GRM5: variants seen among roughly 807,000 people sequenced by gnomAD.
GRM5 encodes the protein metabotropic glutamate receptor 5.
GRM5 carries 19 observed loss-of-function variants against 83.1 expected under a neutral mutation model. The ratio of observed to expected loss-of-function variants is 0.23; its 90% CI spans 0.16 to 0.34. The LOEUF (loss-of-function observed/expected upper bound fraction) is 0.34. GRM5 is among the 10% of genes least tolerant of loss of function. GRM5 has a pLI of 1.00. For missense variants in GRM5, 1,160 were observed against 1,588.3 expected, an observed-to-expected ratio of 0.73 and a Z score of 4.58; for synonymous variants, 675 against 633.6, an observed-to-expected ratio of 1.07 and a Z score of -0.98.
chr11:88,798,163 T>C (rs1212732672), intron 3 of GRM5, among the ~76,000 whole-genome samples: 1 of 152,180 alleles, frequency 6.6e-6, no homozygotes, highest in Non-Finnish European at 1.5e-5. Flanking sequence ...TGAGACTACA[T>C]GTTCTCTTTT....
intron 2 of GRM5, among the ~76,000 whole-genome samples, chr11:88,914,196 C>T (rs2135616375): frequency 6.6e-6 from 1 of 152,266 alleles, no homozygotes; most frequent in African/African-American, 2.4e-5. Context: ...CTAGGGTCTC[C>T]TTCCACACTT....
intron 7 of GRM5, among the ~76,000 whole-genome samples, chr11:88,587,828 C>T (rs1322347199): frequency 1.3e-5 from 2 of 152,160 alleles, no homozygotes; most frequent in African/African-American, 4.8e-5. Context: ...AATCATACTC[C>T]TCAATGACTT....
At chr11:88,732,847 A>T (rs1472521032) in intron 3 of GRM5, among the ~76,000 whole-genome samples, 1 of 151,872 alleles carries the variant, frequency 6.6e-6, no homozygotes. Flanking sequence ...TGCCCTAGAG[A>T]CTGTGGATGT....
intron 3 of GRM5, among the ~76,000 whole-genome samples, chr11:88,683,118 C>T (rs1940535697): frequency 6.6e-6 from 1 of 152,108 alleles, no homozygotes. Context: ...TTTTTCCAGG[C>T]ACTTTTCCTT....
At chr11:88,987,704 T>C (rs1447174986) in intron 2 of GRM5, among the ~76,000 whole-genome samples, 4 of 152,086 alleles carry the variant, frequency 2.6e-5, no homozygotes, top group Non-Finnish European at 4.4e-5. Flanking sequence ...CCCTGACCCC[T>C]GACCCCCGAG....
intron 2 of GRM5, among the ~76,000 whole-genome samples, chr11:88,999,496 A>G (rs928605013): frequency 2.0e-5 from 3 of 152,328 alleles, no homozygotes; most frequent in East Asian, 3.9e-4. Flanking sequence ...ATTTCTCATC[A>G]TCACTGGCCA....
intron 3 of GRM5, among the ~76,000 whole-genome samples, chr11:88,835,420 C>T (rs1421432377): frequency 2.0e-5 from 3 of 152,178 alleles, no homozygotes; most frequent in Non-Finnish European, 4.4e-5. Context: ...TAAATTAACC[C>T]ATTGGTTATG....
intron 3 of GRM5, among the ~76,000 whole-genome samples, chr11:88,814,308 T>C (rs1432814723): frequency 2.0e-5 from 3 of 152,160 alleles, no homozygotes; most frequent in Admixed American, 2.0e-4. Context: ...ATCTACAAGA[T>C]AGAGGACTAG....
intron 2 of GRM5, among the ~76,000 whole-genome samples, chr11:88,953,731 T>C (rs1424865237): frequency 2.8e-5 from 2 of 72,670 alleles, no homozygotes; most frequent in Non-Finnish European, 7.0e-5. Flanking sequence ...TGCTGAATCA[T>C]GTAATTTATG....
intron 3 of GRM5, among the ~76,000 whole-genome samples, chr11:88,797,253 G>C (rs151238601): frequency 0.013 from 1,907 of 152,148 alleles, 39 homozygotes; most frequent in African/African-American, 0.043. Context: ...GGGTTCAAGA[G>C]ATTCTCCTGA....
At chr11:89,009,657 G>T (rs1180781802) in intron 2 of GRM5, among the ~76,000 whole-genome samples, 1 of 151,958 alleles carries the variant, frequency 6.6e-6, no homozygotes, top group African/African-American at 2.4e-5. Context: ...AGCACTTTGG[G>T]AGGCCGAGGC....
At chr11:88,815,481 A>G (rs1454003719) in intron 3 of GRM5, among the ~76,000 whole-genome samples, 2 of 152,230 alleles carry the variant, frequency 1.3e-5, no homozygotes, top group Non-Finnish European at 2.9e-5. Context: ...TTGTGTTGCT[A>G]TAACAGAATA....
At chr11:88,667,281 T>G (rs115431149) in intron 3 of GRM5, among the ~76,000 whole-genome samples, 1,536 of 152,170 alleles carry the variant, frequency 0.01, 16 homozygotes, top group East Asian at 0.068. Flanking sequence ...GATAATTAGT[T>G]TTCCAGGGGG....
At chr11:88,986,596 AT>A (rs1939719500) in intron 2 of GRM5, among the ~76,000 whole-genome samples, 1 of 150,080 alleles carries the variant, frequency 6.7e-6, no homozygotes, top group Admixed American at 6.6e-5. Context: ...CATTTTTGGT[AT>A]TAAACCCTTC....
chr11:88,751,091 A>AC, intron 3 of GRM5, among the ~76,000 whole-genome samples: 1 of 96,772 alleles, frequency 1.0e-5, no homozygotes. Flanking sequence ...AAAAAAAAAA[A>AC]AAAACAAAGA....
intron 2 of GRM5, among the ~76,000 whole-genome samples, chr11:89,012,520 G>T (rs1310064525): frequency 1.3e-5 from 2 of 152,058 alleles, no homozygotes; most frequent in Non-Finnish European, 2.9e-5. Flanking sequence ...TGTATGATGC[G>T]TAAAAAATAT....
At chr11:88,738,028 A>G (rs1041563579) in intron 3 of GRM5, among the ~76,000 whole-genome samples, 4 of 149,570 alleles carry the variant, frequency 2.7e-5, no homozygotes, top group Non-Finnish European at 5.9e-5. Flanking sequence ...TCATCTAGTG[A>G]AAATAGATTT....
At chr11:88,856,794 T>A (rs979961838) in intron 2 of GRM5, among the ~76,000 whole-genome samples, 1 of 151,996 alleles carries the variant, frequency 6.6e-6, no homozygotes, top group African/African-American at 2.4e-5. Flanking sequence ...GAGAGGAAGT[T>A]TTTAGATCCA....
At chr11:88,968,696 A>G (rs1939070440) in intron 2 of GRM5, among the ~76,000 whole-genome samples, 2 of 152,190 alleles carry the variant, frequency 1.3e-5, no homozygotes, top group African/African-American at 2.4e-5. Flanking sequence ...AAAATAACAC[A>G]AAGTGTTCAA....
Sources: gnomAD v4.1 joint callset for allele counts (sites outside exome capture counted in the v4.1 genomes callset) on GRCh38, gnomAD v4.1.1 for gene constraint, MANE v1.5 for transcripts, NCBI Gene and HGNC (gene_info 2026-07-23, HGNC 2026-07-21) for gene names.